The following THOC2 variants were observed in gnomAD, a reference collection of about 807,000 sequenced individuals.
The protein encoded by THOC2 is THO complex subunit 2.
THOC2 carries 10 observed loss-of-function variants against 128.4 expected under a neutral mutation model. The ratio of observed to expected loss-of-function variants is 0.08; its 90% CI spans 0.05 to 0.13. THOC2 has a LOEUF of 0.13. THOC2 is among the 10% of genes least tolerant of loss of function. The pLI, the probability that THOC2 is intolerant of heterozygous loss-of-function variation, is 1.00. For missense variants in THOC2, 535 were observed against 1,155.7 expected (o/e 0.46, Z 7.79); for synonymous variants, 393 against 396.9 (o/e 0.99, Z 0.12).
At chrX:123,696,887 T>C in intron 5 of THOC2, 45 bp from the exon 6 acceptor site, 1 of 1,015,811 alleles carries the variant, frequency 9.8e-7, no homozygotes, top group Non-Finnish European at 1.3e-6. Context: ...TAGCATTGCA[T>C]CCACAATGTT....
At chrX:123,603,781 GTGGAAAGAAGATACTGGATGTCAGTCTCT>G (rs1164197229) in intron 38 of THOC2, 2 of 290,808 alleles carry the variant, frequency 6.9e-6, no homozygotes, top group Non-Finnish European at 1.2e-5. Flanking sequence ...ACAAGAGCAA[GTGGAAAGAAGATACTGGATGTCAGTCTCT>G]TGGCAGTGTC....
rs1911301636 is a variant in THOC2, at chrX:123,622,797, G to A, written c.3746C>T (p.Pro1249Leu). ...ATTTCCATTGCTTGAATTCCCTTTA[G>A]GTGTGGTACTAGAAGCTTTATTAAC... Reference protein sequence around the residue: ...KAVNKASSTTPKGNSSNGNSG... With the variant: ...KAVNKASSTTLKGNSSNGNSG... The change falls in exon 30 of 39, where the codon CCT (proline) becomes CTT (leucine). Residue 1249 changes from proline (P) to leucine (L), a missense_variant. This residue lies in a region of THOC2 where 116 missense variants were observed against 180.0 expected (regional missense o/e 0.64). Transcript: ENST00000245838. The A allele has an allele frequency of 8.3e-7, 1 of 1,204,133 alleles. No individual in the cohort carries two copies. The highest frequency in any genetic ancestry group is 1.1e-6 in the Non-Finnish European group (1 of 889,628).
chrX:123,624,258 T>G, intron 26 of THOC2, 67 bp from the exon 27 acceptor site: 1 of 993,296 alleles, frequency 1.0e-6, no homozygotes, highest in Non-Finnish European at 1.4e-6. Flanking sequence ...AAATTGAAAC[T>G]TAAGTAGACT....
intron 4 of THOC2, among the ~76,000 whole-genome samples, chrX:123,699,213 A>G (rs2050587431): frequency 8.9e-6 from 1 of 112,021 alleles, no homozygotes; most frequent in South Asian, 3.7e-4. Flanking sequence ...GTTTTAGTGA[A>G]GTAATAAAAA....
At chrX:123,641,794 T>C (rs2047923546) in intron 15 of THOC2, among the ~76,000 whole-genome samples, 1 of 111,937 alleles carries the variant, frequency 8.9e-6, no homozygotes, top group South Asian at 3.7e-4. Flanking sequence ...TAATAAACAT[T>C]TGTAGAAAGA....
intron 1 of THOC2, among the ~76,000 whole-genome samples, chrX:123,725,769 G>A (rs1176552907): frequency 9.0e-6 from 1 of 111,409 alleles, no homozygotes; most frequent in Non-Finnish European, 1.9e-5. Flanking sequence ...AGCATCAGAA[G>A]ATATAACCTA....
chrX:123,646,441 C>T (rs760700356), intron 12 of THOC2, among the ~76,000 whole-genome samples: 5 of 112,125 alleles, frequency 4.5e-5, no homozygotes, highest in African/African-American at 1.6e-4. Context: ...GGATTTAGCT[C>T]AATATCAAGT....
intron 1 of THOC2, among the ~76,000 whole-genome samples, chrX:123,720,029 C>T (rs769280289): frequency 9.0e-6 from 1 of 111,329 alleles, no homozygotes; most frequent in Non-Finnish European, 1.9e-5. Context: ...GGCCTATAGT[C>T]CCAGTTACTT....
At chrX:123,608,428 ACTAT>A (rs1330352597) in intron 38 of THOC2, among the ~76,000 whole-genome samples, 10 of 102,447 alleles carry the variant, frequency 9.8e-5, no homozygotes, top group Admixed American at 3.2e-4. Context: ...AAAAAAAGAA[ACTAT>A]CAGCCAGATG....
chrX:123,718,500 C>G (rs2147972823), intron 1 of THOC2, among the ~76,000 whole-genome samples: 1 of 111,483 alleles, frequency 9.0e-6, no homozygotes, highest in East Asian at 2.8e-4. Context: ...TGGCTCATAC[C>G]TATAATCCTA....
At chrX:123,718,010 AC>A (rs1311054154) in intron 1 of THOC2, among the ~76,000 whole-genome samples, 2 of 112,780 alleles carry the variant, frequency 1.8e-5, no homozygotes, top group Non-Finnish European at 3.7e-5. Context: ...GATGCAGCCA[AC>A]CCACTAAATA....
chrX:123,680,385 T>C (rs1306321300), intron 8 of THOC2, among the ~76,000 whole-genome samples: 8 of 111,097 alleles, frequency 7.2e-5, no homozygotes, highest in Non-Finnish European at 1.3e-4. Flanking sequence ...GTTTACCTGC[T>C]GACCTTCTCT....
At chrX:123,704,206 A>C (rs924830369) in intron 3 of THOC2, among the ~76,000 whole-genome samples, 1 of 112,056 alleles carries the variant, frequency 8.9e-6, no homozygotes, top group Non-Finnish European at 1.9e-5. Context: ...GACTGTTAAA[A>C]ACTGTACATT....
At chrX:123,607,925 C>T (rs1383361891) in intron 38 of THOC2, among the ~76,000 whole-genome samples, 1 of 109,235 alleles carries the variant, frequency 9.2e-6, no homozygotes. Flanking sequence ...GGAATGTATC[C>T]AAATAGAAAG....
At chrX:123,624,272 T>C in intron 26 of THOC2, 81 bp from the exon 27 acceptor site, 1 of 950,187 alleles carries the variant, frequency 1.1e-6, no homozygotes, top group Non-Finnish European at 1.4e-6. Flanking sequence ...GTAGACTAGA[T>C]CAATGTTTCC....
At chrX:123,671,065 T>C (rs751491257) in intron 9 of THOC2, among the ~76,000 whole-genome samples, 3 of 111,925 alleles carry the variant, frequency 2.7e-5, no homozygotes, top group Non-Finnish European at 5.6e-5. Context: ...CTGAAACTGA[T>C]GACTAAATTT....
At chrX:123,661,366 T>C (rs1476657720) in intron 12 of THOC2, among the ~76,000 whole-genome samples, 2 of 109,746 alleles carry the variant, frequency 1.8e-5, no homozygotes, top group Non-Finnish European at 1.9e-5. Flanking sequence ...GGTCGCGCCA[T>C]TGCACTCCAG....
At chrX:123,603,484 T>G (rs1047061160) in intron 38 of THOC2, 6 of 507,737 alleles carry the variant, frequency 1.2e-5, no homozygotes, top group Non-Finnish European at 2.0e-5. Flanking sequence ...TTCTGGATGG[T>G]GTATCTCGAG....
chrX:123,660,525 G>A (rs762851971), intron 12 of THOC2, among the ~76,000 whole-genome samples: 12 of 111,720 alleles, frequency 1.1e-4, no homozygotes, highest in African/African-American at 3.2e-4. Context: ...GGAGAAACCT[G>A]GCAGAGATCA....
Sources: gnomAD v4.1 joint callset for allele counts (sites outside exome capture counted in the v4.1 genomes callset) on GRCh38, gnomAD v4.1.1 for gene constraint, gnomAD v4.1.1 regional missense constraint, MANE v1.5 for transcripts, NCBI Gene and HGNC (gene_info 2026-07-23, HGNC 2026-07-21) for gene names.